NXPE2: variants seen among roughly 807,000 people sequenced by gnomAD.
The protein encoded by NXPE2 is NXPE family member 2.
A neutral mutation model predicts 34.4 loss-of-function variants in NXPE2; 34 were observed. That is an observed-to-expected ratio of 0.99 (90% CI 0.75 to 1.31). The LOEUF (loss-of-function observed/expected upper bound fraction) is 1.31, where lower values mean the gene tolerates loss of function less well. Among genes scored for constraint, NXPE2 ranks in the 40% most tolerant of loss-of-function variants. NXPE2 has a pLI of 0.00. For missense variants in NXPE2, 649 were observed against 672.5 expected, an observed-to-expected ratio of 0.97 and a Z score of 0.39; for synonymous variants, 235 against 231.3, an observed-to-expected ratio of 1.02 and a Z score of -0.15.
chr11:114,795,315 G>T, the NXPE2 span, among the ~76,000 whole-genome samples: 1 of 152,068 alleles, frequency 6.6e-6, no homozygotes, highest in Non-Finnish European at 1.5e-5. Context: ...TTTTCAGTAG[G>T]GATTGGCTAC....
the NXPE2 span, among the ~76,000 whole-genome samples, chr11:114,535,048 A>T: frequency 6.6e-6 from 1 of 152,222 alleles, no homozygotes; most frequent in Non-Finnish European, 1.5e-5. Context: ...CGGGTTACCC[A>T]CAAAGGGAAG....
the NXPE2 span, among the ~76,000 whole-genome samples, chr11:114,558,493 A>G: frequency 6.6e-6 from 1 of 152,178 alleles, no homozygotes; most frequent in East Asian, 1.9e-4. Flanking sequence ...AGATTGAGGA[A>G]GTTCTCTTTT....
chr11:114,502,460 G>A, the NXPE2 span, among the ~76,000 whole-genome samples: 1 of 151,832 alleles, frequency 6.6e-6, no homozygotes, highest in Admixed American at 6.6e-5. Context: ...CTTCATCTTT[G>A]TCTAATGTGC....
chr11:114,638,489 T>C, the NXPE2 span, among the ~76,000 whole-genome samples: 1 of 152,080 alleles, frequency 6.6e-6, no homozygotes, highest in Non-Finnish European at 1.5e-5. Flanking sequence ...TCCGTCCAAC[T>C]TTGTTCCATT....
the NXPE2 span, among the ~76,000 whole-genome samples, chr11:114,473,143 A>G: frequency 2.0e-5 from 3 of 152,214 alleles, no homozygotes; most frequent in South Asian, 2.1e-4. Context: ...GGTCTCCCCA[A>G]ATACCGCTTT....
the NXPE2 span, among the ~76,000 whole-genome samples, chr11:114,789,034 G>A: frequency 1.3e-5 from 2 of 152,100 alleles, no homozygotes; most frequent in African/African-American, 4.8e-5. Flanking sequence ...AATCAATTAA[G>A]CCATGAATCA....
chr11:114,748,625 A>T, the NXPE2 span, among the ~76,000 whole-genome samples: 9 of 152,108 alleles, frequency 5.9e-5, no homozygotes, highest in Non-Finnish European at 8.8e-5. Context: ...ATTAGATTCA[A>T]GTTGTACATT....
chr11:114,527,873 C>A, the NXPE2 span: 267 of 1,606,340 alleles, frequency 1.7e-4, 1 homozygote, highest in East Asian at 5.9e-3. Context: ...TGTTTACGAT[C>A]CTTCATCATT....
At chr11:114,534,515 G>C in the NXPE2 span, among the ~76,000 whole-genome samples, 1 of 152,124 alleles carries the variant, frequency 6.6e-6, no homozygotes, top group African/African-American at 2.4e-5. Flanking sequence ...CGAATCAATG[G>C]CAAAGAAGTT....
chr11:114,549,445 C>T, the NXPE2 span, among the ~76,000 whole-genome samples: 9 of 151,800 alleles, frequency 5.9e-5, no homozygotes, highest in East Asian at 1.9e-4. Flanking sequence ...CATTTTGTTC[C>T]GTTTTTAATG....
chr11:114,761,152 T>C, the NXPE2 span, among the ~76,000 whole-genome samples: 1 of 152,204 alleles, frequency 6.6e-6, no homozygotes, highest in Non-Finnish European at 1.5e-5. Context: ...ATCACAGAAG[T>C]CCTCAGAAAG....
chr11:114,534,291 C>A, the NXPE2 span, among the ~76,000 whole-genome samples: 1 of 152,102 alleles, frequency 6.6e-6, no homozygotes, highest in Non-Finnish European at 1.5e-5. Flanking sequence ...CTGTACATAA[C>A]CATCATCAAA....
the NXPE2 span, among the ~76,000 whole-genome samples, chr11:114,748,452 G>C: frequency 6.6e-6 from 1 of 152,118 alleles, no homozygotes; most frequent in African/African-American, 2.4e-5. Flanking sequence ...ATTCAATTTG[G>C]AATCATGAGT....
chr11:114,483,609 T>G, the NXPE2 span, among the ~76,000 whole-genome samples: 1 of 152,216 alleles, frequency 6.6e-6, no homozygotes, highest in Non-Finnish European at 1.5e-5. Flanking sequence ...CTTTCTAACT[T>G]TTCTGTGTCT....
chr11:114,704,613 G>C (rs527844224), intron 4 of NXPE2, among the ~76,000 whole-genome samples: 1 of 152,136 alleles, frequency 6.6e-6, no homozygotes, highest in Non-Finnish European at 1.5e-5. Flanking sequence ...GTAAAGCAAA[G>C]GACTTCCATT....
the NXPE2 span, among the ~76,000 whole-genome samples, chr11:114,604,167 C>T: frequency 1.3e-5 from 2 of 152,056 alleles, no homozygotes; most frequent in Admixed American, 6.6e-5. Flanking sequence ...AGTATTGCCT[C>T]GCAGTTAACT....
the NXPE2 span, among the ~76,000 whole-genome samples, chr11:114,625,138 G>A: frequency 6.6e-6 from 1 of 152,228 alleles, no homozygotes; most frequent in East Asian, 1.9e-4. Context: ...TCTAATGACT[G>A]GATAATAAGT....
At chr11:114,465,295 TTG>T in the NXPE2 span, among the ~76,000 whole-genome samples, 1 of 152,210 alleles carries the variant, frequency 6.6e-6, no homozygotes, top group Non-Finnish European at 1.5e-5. Flanking sequence ...TCATAATTAA[TTG>T]TGTTTATATG....
At chr11:114,730,072 T>C in the NXPE2 span, among the ~76,000 whole-genome samples, 5 of 152,218 alleles carry the variant, frequency 3.3e-5, no homozygotes, top group Non-Finnish European at 7.4e-5. Context: ...GTTGATTTAA[T>C]TCTTGTGTAT....
Sources: gnomAD v4.1 joint callset for allele counts (sites outside exome capture counted in the v4.1 genomes callset) on GRCh38, gnomAD v4.1.1 for gene constraint, MANE v1.5 for transcripts, NCBI Gene and HGNC (gene_info 2026-07-23, HGNC 2026-07-21) for gene names.